Variants in FOCAD observed in about 807,000 individuals in gnomAD.
FOCAD encodes the protein KIAA1797.
In FOCAD, 198 loss-of-function variants were observed where a neutral mutation model predicts 225.6. The ratio of observed to expected loss-of-function variants is 0.88; its 90% CI spans 0.78 to 0.99. FOCAD has a LOEUF of 0.99. Ranked by LOEUF, FOCAD falls within the 50% of genes least tolerant of loss-of-function variation. The probability of loss-of-function intolerance (pLI) is 0.00; values close to 1 mark genes in which losing one functional copy is unlikely to be tolerated. For missense variants in FOCAD, 2,713 were observed against 2,123.6 expected (o/e 1.28, Z -5.46); for synonymous variants, 897 against 755.0 (o/e 1.19, Z -3.08).
At chr9:20,723,420 G>A (rs543345423) in intron 4 of FOCAD, among the ~76,000 whole-genome samples, 9 of 152,334 alleles carry the variant, frequency 5.9e-5, no homozygotes, top group East Asian at 3.9e-4. Context: ...CCCGGGAGGC[G>A]GATCTTGCAG....
At chr9:20,928,063 C>CTTTAATGATGAATGAAAACT (rs1400774474) in intron 26 of FOCAD, among the ~76,000 whole-genome samples, 21 of 151,964 alleles carry the variant, frequency 1.4e-4, no homozygotes, top group African/African-American at 4.8e-4. Flanking sequence ...GTTCTTATTT[C>CTTTAATGATGAATGAAAACT]TTTAATGATG....
intron 34 of FOCAD, 86 bp downstream of exon 34, chr9:20,951,184 C>G: frequency 1.0e-6 from 1 of 967,582 alleles, no homozygotes; most frequent in Non-Finnish European, 1.6e-6. Flanking sequence ...CATTAATCTT[C>G]ACAACAACCC....
At chr9:20,704,964 T>G (rs990675066) in intron 1 of FOCAD, among the ~76,000 whole-genome samples, 1 of 152,186 alleles carries the variant, frequency 6.6e-6, no homozygotes, top group Non-Finnish European at 1.5e-5. Flanking sequence ...GGGCTTTTCT[T>G]TGTGCATATA....
intron 1 of FOCAD, among the ~76,000 whole-genome samples, chr9:20,702,134 G>T (rs1054549143): frequency 2.0e-5 from 3 of 151,984 alleles, no homozygotes; most frequent in African/African-American, 4.8e-5. Flanking sequence ...ATAGGGCATT[G>T]TTCTGTTGCC....
chr9:20,944,879 T>G, intron 29 of FOCAD, 105 bp downstream of exon 29: 1 of 1,208,510 alleles, frequency 8.3e-7, no homozygotes, highest in Non-Finnish European at 1.1e-6. Context: ...AATTAAATTC[T>G]TCCTCAAAGA....
At chr9:20,803,069 G>T (rs188161395) in intron 11 of FOCAD, among the ~76,000 whole-genome samples, 1 of 152,018 alleles carries the variant, frequency 6.6e-6, no homozygotes, top group Non-Finnish European at 1.5e-5. Context: ...TACTTTATAT[G>T]TATTTAGTGT....
intron 1 of FOCAD, among the ~76,000 whole-genome samples, chr9:20,686,878 C>A (rs1392376839): frequency 6.6e-6 from 1 of 152,130 alleles, no homozygotes; most frequent in African/African-American, 2.4e-5. Flanking sequence ...TTGTGAATTT[C>A]CTCCATGTAA....
rs1169083133 is a variant in FOCAD at position 20,881,902 on chromosome 9, G to A, written c.2349G>A (p.Lys783=). ...AGGAATTTTTTACATCACTTGTGAA[G>A]CAAGAAATGGTGAATATGCCTCGTG... ...ALEEFFTSLV[K]QEMVNMPRGI... is the part of the protein sequence containing the mutation. Residue 783 remains lysine, a synonymous_variant, in exon 20 of 44, where the codon AAG becomes AAA. Transcript: ENST00000338382. The A allele has an allele frequency of 6.2e-7, 1 of 1,613,346 alleles. No individual in the cohort carries two copies. Among genetic ancestry groups the A allele is most frequent in the South Asian group, 1.1e-5 (1 of 90,930 alleles).
At chr9:20,708,390 A>C (rs1336493456) in intron 1 of FOCAD, among the ~76,000 whole-genome samples, 3 of 152,206 alleles carry the variant, frequency 2.0e-5, no homozygotes, top group Admixed American at 2.0e-4. Flanking sequence ...CATAGAGCCC[A>C]TTAATGTGAA....
At position 20,885,093 on chromosome 9, in the gene FOCAD, A is replaced by G; in HGVS notation, c.2504-16A>G. The stretch of plus-strand genomic sequence containing the variant: ...AAAATAAAAATAAAATAAAGTCTAT[A>G]TAATTTTTTTTAAAGGTGGTATGTT... On this transcript the variant is annotated splice_polypyrimidine_tract_variant and intron_variant, in intron 20 of 43. Transcript: ENST00000338382. 1 of 1,360,670 alleles carries G rather than the reference A, an allele frequency of 7.3e-7. No individual in the cohort carries two copies. Among genetic ancestry groups the G allele is most frequent in the Non-Finnish European group, 9.7e-7 (1 of 1,032,426 alleles). 84.3% of individuals were successfully genotyped at this position (1,360,670 alleles called of 1,614,324 possible). A position where few individuals can be genotyped will look rare whatever the true frequency, so the allele number is the denominator to read the frequency against.
chr9:20,884,342 A>G (rs1225684695), intron 20 of FOCAD, among the ~76,000 whole-genome samples: 1 of 152,168 alleles, frequency 6.6e-6, no homozygotes, highest in Non-Finnish European at 1.5e-5. Flanking sequence ...TTGGTTGCCC[A>G]GGCTGGAGTA....
chr9:20,771,007 G>T (rs1313560386), intron 8 of FOCAD, among the ~76,000 whole-genome samples: 2 of 152,122 alleles, frequency 1.3e-5, no homozygotes, highest in Non-Finnish European at 2.9e-5. Context: ...TAAGAGAAAG[G>T]ATTTTATGGG....
At position 20,885,096 on chromosome 9, in the gene FOCAD, A is replaced by T. The variant is rs1468057075; in HGVS notation, c.2504-13A>T. The T allele has an allele frequency of 2.2e-6, 3 of 1,380,914 alleles. No individual in the cohort carries two copies. The highest frequency in any genetic ancestry group is 1.8e-5 in the South Asian group (1 of 54,098). The allele number at this position is 1,380,914 out of a possible 1,614,324, so 85.5% of individuals were successfully genotyped here. On this transcript the variant is annotated splice_polypyrimidine_tract_variant and intron_variant, in intron 20 of 43. Transcript: ENST00000338382. ...ATAAAAATAAAATAAAGTCTATATAATTTTTTTTAAAGGTGGTATGTTATT... is the reference window on the plus strand; with the variant it reads ...ATAAAAATAAAATAAAGTCTATATATTTTTTTTTAAAGGTGGTATGTTATT...
rs1257413330 is a variant in FOCAD at position 20,907,249 on chromosome 9, A to C, written c.2718+7A>C. ...TTATCATGCCATTTTACAGGTAATG[A>C]AACCACAGGATAGGTTTGCTTTGGC... On this transcript the variant is annotated splice_region_variant and intron_variant, in intron 22 of 43. Transcript: ENST00000338382. 2.5e-6 allele frequency: 4 copies of C among 1,610,222 alleles called. No homozygotes were observed. Among genetic ancestry groups the C allele is most frequent in the Non-Finnish European group, 3.4e-6 (4 of 1,176,912 alleles).
intron 15 of FOCAD, among the ~76,000 whole-genome samples, chr9:20,853,910 A>G (rs1827914714): frequency 6.6e-6 from 1 of 151,670 alleles, no homozygotes; most frequent in African/African-American, 2.4e-5. Flanking sequence ...TGCTCCATTG[A>G]TTGTGTCTCT....
chr9:20,988,377 T>G lies in FOCAD; in HGVS notation c.4952T>G (p.Ile1651Ser), dbSNP rs1163367354. The G allele has an allele frequency of 2.5e-6, 4 of 1,612,186 alleles. No homozygotes were observed. The East Asian group carries it at 6.7e-5, about 27-fold the overall frequency. ...MEWLLELMGYIRNVAYQSTSF... is the reference protein window; with the variant it reads ...MEWLLELMGYSRNVAYQSTSF... ...TGGCTCTTGGAACTGATGGGTTATA[T>G]TAGAAATGTTGCTTACCAGTCAACA... is the stretch of plus-strand genomic sequence containing the variant. Residue 1651 changes from isoleucine to serine, a missense_variant, in exon 41 of 44, where the codon ATT becomes AGT. Physicochemically the swap from Ile to Ser is moderately radical, Grantham distance 142 (BLOSUM62 -2). Transcript: ENST00000338382.
intron 11 of FOCAD, among the ~76,000 whole-genome samples, chr9:20,791,835 A>C (rs922938812): frequency 4.6e-5 from 7 of 152,170 alleles, no homozygotes; most frequent in Admixed American, 4.6e-4. Flanking sequence ...CCCCCAAAGG[A>C]AGGATAGATA....
chr9:20,801,160 G>C (rs985664570), intron 11 of FOCAD, among the ~76,000 whole-genome samples: 2 of 152,174 alleles, frequency 1.3e-5, no homozygotes, highest in African/African-American at 4.8e-5. Context: ...CTGCAGAACA[G>C]CGAATATTGG....
chr9:20,988,461 T>C (rs1200674518), intron 41 of FOCAD, 32 bp downstream of exon 41: 13 of 1,261,400 alleles, frequency 1.0e-5, no homozygotes, highest in Non-Finnish European at 1.5e-5. Flanking sequence ...TATAGCTTCC[T>C]TAAAATACAG....
Sources: gnomAD v4.1 joint callset for allele counts (sites outside exome capture counted in the v4.1 genomes callset) on GRCh38, gnomAD v4.1.1 for gene constraint, MANE v1.5 for transcripts, NCBI Gene and HGNC (gene_info 2026-07-23, HGNC 2026-07-21) for gene names.